The following CHST8 variants were observed in gnomAD, a reference collection of about 807,000 sequenced individuals.
CHST8 encodes the protein carbohydrate sulfotransferase 8.
In CHST8, 10 loss-of-function variants were observed where a neutral mutation model predicts 15.0. The ratio of observed to expected loss-of-function variants is 0.67; its 90% CI spans 0.41 to 1.13. The LOEUF is 1.13. Among genes scored for constraint, CHST8 ranks in the 50% most tolerant of loss-of-function variants. The probability of loss-of-function intolerance (pLI) is 0.00; values close to 1 mark genes in which losing one functional copy is unlikely to be tolerated. For missense variants in CHST8, 634 were observed against 608.2 expected (o/e 1.04, Z -0.45); for synonymous variants, 259 against 256.6 (o/e 1.01, Z -0.09).
Position 33,656,747 on chromosome 19 carries a change from C to G in CHST8, c.-163-11020C>G, listed in dbSNP as rs187288880. 3.9e-5 allele frequency among the ~76,000 whole-genome samples: 6 copies of G among 152,184 alleles called. No homozygotes were observed. The East Asian group carries it at 1.2e-3, about 29-fold the overall frequency. On this transcript the variant is annotated intron_variant, in intron 1 of 4. Transcript: ENST00000650847. The stretch of plus-strand genomic sequence containing the variant: ...AGTGACAGCATCTCCCTGTGTTGCT[C>G]AGGCTAGTCTCGAACTCCTGGGCTC...
intron 3 of CHST8, among the ~76,000 whole-genome samples, chr19:33,725,283 C>T (rs1194331946): frequency 1.3e-5 from 2 of 152,124 alleles, no homozygotes; most frequent in African/African-American, 2.4e-5. Flanking sequence ...TCCCCACACA[C>T]TCACCCCCCA....
At chr19:33,646,987 T>C (rs1972362993) in intron 1 of CHST8, among the ~76,000 whole-genome samples, 1 of 152,222 alleles carries the variant, frequency 6.6e-6, no homozygotes. Flanking sequence ...TAGCTTGGCC[T>C]ATGCCCAGGA....
chr19:33,709,764 G>T (rs1357964606), intron 3 of CHST8, among the ~76,000 whole-genome samples: 1 of 152,146 alleles, frequency 6.6e-6, no homozygotes, highest in African/African-American at 2.4e-5. Context: ...AGTTTAGGGA[G>T]GATTGGCATT....
At chr19:33,729,056 C>A (rs141105446) in intron 3 of CHST8, among the ~76,000 whole-genome samples, 2 of 152,166 alleles carry the variant, frequency 1.3e-5, no homozygotes, top group African/African-American at 4.8e-5. Flanking sequence ...TTCTAGCAGG[C>A]GTGGGCAGAG....
chr19:33,737,921 CA>C (rs1555721870), intron 3 of CHST8, among the ~76,000 whole-genome samples: 1 of 152,028 alleles, frequency 6.6e-6, no homozygotes, highest in Non-Finnish European at 1.5e-5. Context: ...TCATCTTCAG[CA>C]ACAAGTGGTT....
chr19:33,683,907 T>A (rs1752247289), intron 2 of CHST8, among the ~76,000 whole-genome samples: 1 of 152,182 alleles, frequency 6.6e-6, no homozygotes, highest in African/African-American at 2.4e-5. Flanking sequence ...TCTGCCAGGA[T>A]GAGGAGGAGC....
In CHST8 at chr19:33,647,160, C is replaced by T. The variant is rs1328592040; in HGVS notation, c.-163-20607C>T. Reference sequence around the variant, plus strand: ...AAGCCTGAAGACTGATCGAGGTCAGCGAGGGAGTGCAAATAGAGACACAAA... The same window carrying T: ...AAGCCTGAAGACTGATCGAGGTCAGTGAGGGAGTGCAAATAGAGACACAAA... On this transcript the variant is annotated intron_variant, in intron 1 of 4. Coordinates refer to ENST00000650847, the MANE Select transcript of CHST8 (RefSeq NM_001127895.2). Among the ~76,000 whole-genome samples the T allele has an allele frequency of 5.3e-5, 8 of 152,164 alleles. No individual in the cohort carries two copies. The East Asian group carries it at 1.5e-3, about 29-fold the overall frequency.
At chr19:33,641,686 C>G (rs1182139531) in intron 1 of CHST8, among the ~76,000 whole-genome samples, 2 of 150,904 alleles carry the variant, frequency 1.3e-5, no homozygotes, top group African/African-American at 2.4e-5. Flanking sequence ...GAAAATTTAG[C>G]TACCCTTGGA....
At chr19:33,727,174 C>T (rs1973917487) in intron 3 of CHST8, among the ~76,000 whole-genome samples, 1 of 151,780 alleles carries the variant, frequency 6.6e-6, no homozygotes. Flanking sequence ...ACCTCCCTTT[C>T]TTCAAATGAG....
intron 1 of CHST8, among the ~76,000 whole-genome samples, chr19:33,649,861 G>A (rs565200887): frequency 6.6e-6 from 1 of 152,244 alleles, no homozygotes; most frequent in South Asian, 2.1e-4. Context: ...AGTGCCTGGC[G>A]GTGGGTAAGC....
intron 1 of CHST8, among the ~76,000 whole-genome samples, chr19:33,632,050 G>A (rs1972128632): frequency 6.6e-6 from 1 of 152,196 alleles, no homozygotes; most frequent in Non-Finnish European, 1.5e-5. Context: ...GCCTTGCCTG[G>A]TGATGTGACA....
chr19:33,691,389 C>T (rs982504123), intron 3 of CHST8, among the ~76,000 whole-genome samples: 1 of 152,208 alleles, frequency 6.6e-6, no homozygotes, highest in Non-Finnish European at 1.5e-5. Context: ...GCAGACTTGA[C>T]GGTCTGGGTA....
At chr19:33,695,821 C>CTTTCTTTCTTT (rs57718433) in intron 3 of CHST8, among the ~76,000 whole-genome samples, 3,217 of 76,100 alleles carry the variant, frequency 0.042, 153 homozygotes, top group African/African-American at 0.086. Context: ...TTCTTTCTTT[C>CTTTCTTTCTTT]TTTTTTTTTT....
chr19:33,736,151 T>C (rs1974079899), intron 3 of CHST8, among the ~76,000 whole-genome samples: 1 of 152,172 alleles, frequency 6.6e-6, no homozygotes, highest in Non-Finnish European at 1.5e-5. Context: ...AGTCTCAGGA[T>C]GCTGTTGAAC....
At chr19:33,693,254 C>A (rs960742909) in intron 3 of CHST8, among the ~76,000 whole-genome samples, 4 of 152,162 alleles carry the variant, frequency 2.6e-5, no homozygotes, top group African/African-American at 9.7e-5. Flanking sequence ...GATCTGCCCA[C>A]CTCGGCCTCC....
At chr19:33,676,430 C>T (rs1294339133) in intron 2 of CHST8, among the ~76,000 whole-genome samples, 3 of 152,028 alleles carry the variant, frequency 2.0e-5, no homozygotes, top group Admixed American at 6.6e-5. Context: ...ATTAGCCAGA[C>T]GTGGTGGCAC....
At chr19:33,654,465 T>C (rs185811799) in intron 1 of CHST8, among the ~76,000 whole-genome samples, 10 of 152,248 alleles carry the variant, frequency 6.6e-5, no homozygotes, top group Admixed American at 5.9e-4. Context: ...CTGTTGACTT[T>C]TAAACATTGG....
At position 33,672,299 on chromosome 19, in the gene CHST8, G is replaced by A. The variant is rs187649172; in HGVS notation, c.-87+4456G>A. On this transcript the variant is annotated intron_variant, in intron 2 of 4. Coordinates refer to ENST00000650847, the MANE Select transcript of CHST8 (RefSeq NM_001127895.2). ...AGCAACCTCTGCCTTCCAAGTTCAA[G>A]CAATCCTCCTGCCTCAGCCTCCCCA... 3.1e-4 allele frequency among the ~76,000 whole-genome samples: 47 copies of A among 152,140 alleles called. 1 individual carries two copies. Among genetic ancestry groups the A allele is most frequent in the African/African-American group, 9.9e-4 (41 of 41,510 alleles).
intron 3 of CHST8, among the ~76,000 whole-genome samples, chr19:33,728,274 C>A (rs1026348230): frequency 5.3e-5 from 8 of 152,278 alleles, no homozygotes; most frequent in Admixed American, 1.3e-4. Flanking sequence ...TAGGCTCTGG[C>A]CTGGGTGAGT....
Sources: gnomAD v4.1 joint callset for allele counts (sites outside exome capture counted in the v4.1 genomes callset) on GRCh38, gnomAD v4.1.1 for gene constraint, MANE v1.5 for transcripts, NCBI Gene and HGNC (gene_info 2026-07-23, HGNC 2026-07-21) for gene names.